The following CSDE1 variants were observed in gnomAD, a reference collection of about 807,000 sequenced individuals.
CSDE1 encodes cold shock domain-containing protein E1.
Under a neutral mutation model 89.3 loss-of-function variants are expected in CSDE1, and 17 were observed. The observed-to-expected ratio is 0.19, with a 90% CI of 0.13 to 0.29. The LOEUF is 0.29. Ranked by LOEUF, CSDE1 falls within the 10% of genes least tolerant of loss-of-function variation. The probability of loss-of-function intolerance (pLI) is 1.00; values close to 1 mark genes in which losing one functional copy is unlikely to be tolerated. For missense variants in CSDE1, 672 were observed against 984.2 expected (o/e 0.68, Z 4.24); for synonymous variants, 322 against 332.8 (o/e 0.97, Z 0.35).
intron 2 of CSDE1, among the ~76,000 whole-genome samples, chr1:114,743,621 A>G (rs59298357): frequency 0.048 from 7,305 of 152,290 alleles, 227 homozygotes; most frequent in South Asian, 0.1. Flanking sequence ...CCTGCCACAC[A>G]TCACTGCAGG....
intron 2 of CSDE1, among the ~76,000 whole-genome samples, chr1:114,742,178 G>T (rs575329189): frequency 6.6e-6 from 1 of 152,110 alleles, no homozygotes; most frequent in Admixed American, 6.5e-5. Context: ...AAAGAGTGGA[G>T]AACTCCAAAA....
rs748727931 is a variant in CSDE1 at position 114,741,646 on chromosome 1, C to T, written c.1-1756G>A. The T allele has an allele frequency of 3.2e-6, 5 of 1,545,666 alleles. No homozygotes were observed. Among genetic ancestry groups the T allele is most frequent in the East Asian group, 4.9e-5 (2 of 40,872 alleles). On this transcript the variant is annotated intron_variant, in intron 2 of 19. Transcript: ENST00000358528. ...GGAGAGGGATGAGGATCTGATGACA[C>T]AGTAAAAACGTTCTCCATCTCAAAC...
At chr1:114,743,371 T>C in intron 2 of CSDE1, among the ~76,000 whole-genome samples, 1 of 152,134 alleles carries the variant, frequency 6.6e-6, no homozygotes, top group Middle Eastern at 3.2e-3. Flanking sequence ...TTTGTATTTT[T>C]AGTAGAGACG....
chr1:114,737,439 G>T, intron 5 of CSDE1, 32 bp downstream of exon 5: 1 of 1,507,698 alleles, frequency 6.6e-7, no homozygotes, highest in Non-Finnish European at 9.2e-7. Context: ...TGGTGGATCA[G>T]GCAAAGGTTT....
chr1:114,730,743 T>G, intron 10 of CSDE1, 95 bp from the exon 11 acceptor site: 1 of 1,433,216 alleles, frequency 7.0e-7, no homozygotes, highest in Non-Finnish European at 9.7e-7. Context: ...CATCAGGAAT[T>G]TTCTCTGATG....
At chr1:114,733,711 C>G (rs1216306097) in intron 9 of CSDE1, 21 bp downstream of exon 9, 1 of 1,608,812 alleles carries the variant, frequency 6.2e-7, no homozygotes, top group Non-Finnish European at 8.5e-7. Context: ...AAATAGGACT[C>G]TCCTGAAAAA....
At chr1:114,741,415 G>T in intron 2 of CSDE1, 1 of 1,006,336 alleles carries the variant, frequency 9.9e-7, no homozygotes, top group Non-Finnish European at 1.4e-6. Flanking sequence ...AAAATGATTC[G>T]GGAAGTTAGA....
intron 1 of CSDE1, among the ~76,000 whole-genome samples, chr1:114,757,151 G>C (rs1661645096): frequency 1.3e-5 from 2 of 152,206 alleles, no homozygotes; most frequent in Admixed American, 6.5e-5. Context: ...AAAGATTAGG[G>C]ACTGGTTCCC....
chr1:114,721,349 G>C (rs1162273523), intron 16 of CSDE1, among the ~76,000 whole-genome samples: 1 of 152,144 alleles, frequency 6.6e-6, no homozygotes, highest in Admixed American at 6.5e-5. Flanking sequence ...TAAACAAATG[G>C]TTGTGGCTGT....
intron 18 of CSDE1, 23 bp downstream of exon 18, chr1:114,719,556 C>CA: frequency 6.2e-7 from 1 of 1,607,486 alleles, no homozygotes; most frequent in Non-Finnish European, 8.5e-7. Context: ...AGTTACTAAT[C>CA]AAACCACAAC....
intron 1 of CSDE1, among the ~76,000 whole-genome samples, chr1:114,752,935 G>A (rs1048755652): frequency 4.6e-5 from 7 of 152,114 alleles, no homozygotes; most frequent in Non-Finnish European, 2.9e-5. Context: ...ACCTAATCCA[G>A]TGCTGCCATA....
At position 114,719,501 on chromosome 1, in the gene CSDE1, G is replaced by A. The variant is rs12066818; in HGVS notation, c.2216+78C>T. The A allele has an allele frequency of 9.6e-4, 1,331 of 1,380,758 alleles. 11 individuals carry two copies. The African/African-American group carries it at 0.017, about 18-fold the overall frequency. 85.5% of individuals were successfully genotyped at this position (1,380,758 alleles called of 1,614,324 possible). The stretch of plus-strand genomic sequence containing the variant: ...GTGGCAGAAGACAAGGCACAGAAAA[G>A]TGATGTGACAAAACAGAGACTATAA... On this transcript the variant is annotated intron_variant, in intron 18 of 19. Coordinates refer to ENST00000358528, the MANE Select transcript of CSDE1 (RefSeq NM_001007553.3).
chr1:114,731,199 G>C (rs1311091847), intron 10 of CSDE1, among the ~76,000 whole-genome samples: 1 of 150,494 alleles, frequency 6.6e-6, no homozygotes. Context: ...CATGTTTAAT[G>C]AAACAATGAA....
chr1:114,719,263 A>G (rs977921151), intron 18 of CSDE1, among the ~76,000 whole-genome samples: 90 of 152,304 alleles, frequency 5.9e-4, no homozygotes, highest in Middle Eastern at 3.4e-3. Context: ...GAGTCGTGAT[A>G]GCGCCTGGGT....
intron 14 of CSDE1, 56 bp from the exon 15 acceptor site, chr1:114,725,389 C>G (rs1557991886): frequency 7.6e-7 from 1 of 1,313,788 alleles, no homozygotes; most frequent in Non-Finnish European, 1.1e-6. Flanking sequence ...TCAACAGTAA[C>G]AGGCAGTCTT....
chr1:114,718,730 A>G lies in CSDE1; in HGVS notation c.2232T>C (p.Ala744=), dbSNP rs376197391. ...NVWRVCEGPK[A]VAAPRPDRLV... ...ACCGATCAGGTCGAGGAGCTGCAAC[A>G]GCCTTGGGGCCCTCACTGTAATTAA... Residue 744 remains alanine (A), a synonymous_variant, in exon 19 of 20, where the codon GCT becomes GCC. Transcript: ENST00000358528. 171 of 1,614,040 alleles carry G rather than the reference A, an allele frequency of 1.1e-4. No homozygotes were observed. Among genetic ancestry groups the G allele is most frequent in the Non-Finnish European group, 1.4e-4 (162 of 1,180,014 alleles).
chr1:114,739,277 C>T (rs1023055703), intron 3 of CSDE1, among the ~76,000 whole-genome samples: 8 of 151,732 alleles, frequency 5.3e-5, no homozygotes, highest in African/African-American at 1.5e-4. Context: ...GTGATCTGCC[C>T]GCCTCGGCCT....
In CSDE1 at chr1:114,720,602, T is replaced by A. The variant is rs1659461111; in HGVS notation, c.1989A>T (p.Ala663=). 4 of 1,614,048 alleles carry A rather than the reference T, an allele frequency of 2.5e-6. No individual in the cohort carries two copies. Among genetic ancestry groups the A allele is most frequent in the Non-Finnish European group, 3.4e-6 (4 of 1,180,030 alleles). ...KFQLCVLGQN[A]QTMAYNITPL... ...GTGTGATGTTGTAAGCCATAGTTTGTGCATTTTGGCCCAGGACACACAATT... is the reference window on the plus strand; with the variant it reads ...GTGTGATGTTGTAAGCCATAGTTTGAGCATTTTGGCCCAGGACACACAATT... The change falls in exon 17 of 20, where the codon GCA becomes GCT. Residue 663 remains alanine (A), a synonymous_variant. Coordinates refer to ENST00000358528, the MANE Select transcript of CSDE1 (RefSeq NM_001007553.3).
chr1:114,732,811 G>A lies in CSDE1; in HGVS notation c.843C>T (p.Asp281=). The A allele has an allele frequency of 6.2e-7, 1 of 1,613,816 alleles. No homozygotes were observed. The highest frequency in any genetic ancestry group is 1.7e-5 in the Admixed American group (1 of 60,010). Residue 281 remains aspartate, a synonymous_variant, in exon 10 of 20, where the codon GAC becomes GAT. Transcript: ENST00000358528. ...CAACTTTGATGCGTCCTGGCAATGG[G>A]TCATTCTGATGAGAAGGAAAAACGA... The part of the protein sequence containing the change: ...IPKVPSKNQN[D]PLPGRIKVDF...
Sources: allele counts gnomAD v4.1 joint callset (sites outside exome capture counted in the v4.1 genomes callset), GRCh38; gene constraint gnomAD v4.1.1; transcripts MANE v1.5; gene names NCBI Gene and HGNC (gene_info 2026-07-23, HGNC 2026-07-21).